Variants in ABHD18 observed in about 807,000 individuals in gnomAD.
The protein encoded by ABHD18 is abhydrolase domain containing 18.
ABHD18 carries 55 observed loss-of-function variants against 65.9 expected under a neutral mutation model. The ratio of observed to expected loss-of-function variants is 0.84; its 90% CI spans 0.67 to 1.05. The LOEUF (loss-of-function observed/expected upper bound fraction) is 1.05, where lower values mean the gene tolerates loss of function less well. Among genes scored for constraint, ABHD18 ranks in the 50% least tolerant of loss-of-function variants. ABHD18 has a pLI of 0.00. For synonymous variants in ABHD18, 181 were observed against 180.2 expected (o/e 1.00, Z -0.04); for missense variants, 533 against 558.5 (o/e 0.95, Z 0.46).
At chr4:128,015,640 C>T (rs1471265451) in intron 7 of ABHD18, among the ~76,000 whole-genome samples, 7 of 152,054 alleles carry the variant, frequency 4.6e-5, no homozygotes, top group African/African-American at 1.4e-4. Flanking sequence ...GGACTTAGAG[C>T]TCTGAGAGGA....
intron 4 of ABHD18, among the ~76,000 whole-genome samples, chr4:128,000,482 T>C (rs1752483859): frequency 6.6e-6 from 1 of 152,208 alleles, no homozygotes; most frequent in Non-Finnish European, 1.5e-5. Flanking sequence ...CATTGGTCTA[T>C]GTGTCTGTTT....
chr4:128,002,521 C>T (rs987309419), intron 4 of ABHD18, among the ~76,000 whole-genome samples: 1 of 151,430 alleles, frequency 6.6e-6, no homozygotes, highest in Admixed American at 6.6e-5. Flanking sequence ...CTCAGGTGAT[C>T]TCCCTGCCTT....
chr4:128,014,234 C>T (rs1274003771), intron 7 of ABHD18, among the ~76,000 whole-genome samples: 1 of 152,140 alleles, frequency 6.6e-6, no homozygotes, highest in African/African-American at 2.4e-5. Flanking sequence ...CCTCCCGCCT[C>T]AGCCCCCCAA....
chr4:128,011,271 C>T (rs1754498674), intron 6 of ABHD18, among the ~76,000 whole-genome samples: 1 of 151,806 alleles, frequency 6.6e-6, no homozygotes, highest in Non-Finnish European at 1.5e-5. Flanking sequence ...GCCTCAGCCT[C>T]CCGCGTAGCT....
At chr4:127,995,512 G>A (rs375535616) in intron 4 of ABHD18, among the ~76,000 whole-genome samples, 2 of 151,970 alleles carry the variant, frequency 1.3e-5, no homozygotes, top group South Asian at 2.1e-4. Context: ...TAATAGACTC[G>A]TGATTTTAAA....
chr4:127,966,579 C>T (rs1011866287), intron 1 of ABHD18, among the ~76,000 whole-genome samples: 25 of 151,682 alleles, frequency 1.6e-4, no homozygotes, highest in Middle Eastern at 3.4e-3. Flanking sequence ...AACGTGCGGT[C>T]TGGGTGCGAT....
chr4:127,997,790 G>T (rs1384663934), intron 4 of ABHD18, among the ~76,000 whole-genome samples: 1 of 151,930 alleles, frequency 6.6e-6, no homozygotes, highest in African/African-American at 2.4e-5. Context: ...CTTACTTTCT[G>T]TTCCACTTCT....
rs543414175 is a variant in ABHD18, at chr4:128,012,003, G to A, written c.470+303G>A. ...CCCTTTCTTTTTTTTTTTTTGAGAC[G>A]CAGTCATTCTGTCACCCAGTCTGGA... On this transcript the variant is annotated intron_variant, in intron 7 of 12. Coordinates refer to ENST00000645843, the MANE Select transcript of ABHD18 (RefSeq NM_001358451.3). Among the ~76,000 whole-genome samples, 82 of 148,680 alleles carry A rather than the reference G, an allele frequency of 5.5e-4. 1 individual carries two copies. In the South Asian group the frequency reaches 8.8e-3, roughly 16 times the overall value.
At chr4:127,972,998 A>C (rs1308157905) in intron 1 of ABHD18, among the ~76,000 whole-genome samples, 1 of 151,288 alleles carries the variant, frequency 6.6e-6, no homozygotes, top group Non-Finnish European at 1.5e-5. Context: ...TCTCTCCCCT[A>C]CCCTCCCCAC....
chr4:128,006,457 A>G (rs1338556537), intron 4 of ABHD18, among the ~76,000 whole-genome samples: 2 of 152,208 alleles, frequency 1.3e-5, no homozygotes, highest in Non-Finnish European at 2.9e-5. Context: ...CACAACACAG[A>G]AATAATTCTT....
intron 1 of ABHD18, among the ~76,000 whole-genome samples, chr4:127,968,224 C>T (rs943543175): frequency 2.0e-5 from 3 of 152,182 alleles, no homozygotes; most frequent in Admixed American, 1.3e-4. Flanking sequence ...AATAAACAAA[C>T]AAACATCCTA....
At position 128,028,854 on chromosome 4, in the gene ABHD18, G is replaced by T. The variant is rs1215021907; in HGVS notation, c.1180+1G>T. The T allele has an allele frequency of 1.3e-6, 2 of 1,522,678 alleles. No individual in the cohort carries two copies. The highest frequency in any genetic ancestry group is 1.8e-6 in the Non-Finnish European group (2 of 1,137,698). The allele number at this position is 1,522,678 out of a possible 1,614,324, so 94.3% of individuals were successfully genotyped here. On this transcript the variant is annotated splice_donor_variant, in intron 11 of 12. Transcript: ENST00000645843. LOFTEE classifies it high-confidence loss of function. ...TGTACTCATGTAGCAAATTTCTCAG[G>T]TACTAATTTTTATATGAAATTGAGA...
At chr4:128,024,653 G>C (rs1367360722) in intron 10 of ABHD18, among the ~76,000 whole-genome samples, 1 of 151,952 alleles carries the variant, frequency 6.6e-6, no homozygotes, top group Non-Finnish European at 1.5e-5. Flanking sequence ...GTGGTAACCA[G>C]GTTGTTCGGT....
intron 10 of ABHD18, among the ~76,000 whole-genome samples, chr4:128,023,403 CAAAAAAAAAAAAAAAAAAA>C (rs59549849): frequency 4.4e-5 from 2 of 44,950 alleles, no homozygotes; most frequent in Non-Finnish European, 7.3e-5. Flanking sequence ...CTTGTCTCTA[CAAAAAAAAAAAAAAAAAAA>C]AAAAAAAAAA....
intron 1 of ABHD18, among the ~76,000 whole-genome samples, chr4:127,972,084 T>G (rs1746934683): frequency 6.6e-6 from 1 of 152,106 alleles, no homozygotes. Context: ...AATTTATGAT[T>G]ATAGGTTATT....
chr4:127,994,943 G>A (rs1451515278), intron 4 of ABHD18, among the ~76,000 whole-genome samples: 1 of 152,076 alleles, frequency 6.6e-6, no homozygotes, highest in Non-Finnish European at 1.5e-5. Flanking sequence ...GCAGTGGCGC[G>A]ATCTTGGCTT....
At chr4:128,020,304 G>A in intron 9 of ABHD18, 135 bp downstream of exon 9, 1 of 646,680 alleles carries the variant, frequency 1.5e-6, no homozygotes, top group South Asian at 1.9e-5. Context: ...TCGTAATCAT[G>A]ATTAAGCCTT....
At chr4:127,977,215 G>A (rs1366425397) in intron 1 of ABHD18, among the ~76,000 whole-genome samples, 1 of 152,080 alleles carries the variant, frequency 6.6e-6, no homozygotes. Context: ...GCTCACGCCT[G>A]TAATCCCAGC....
At chr4:128,019,971 G>A (rs368030904) in intron 8 of ABHD18, 109 bp from the exon 9 acceptor site, 83 of 619,764 alleles carry the variant, frequency 1.3e-4, no homozygotes, top group East Asian at 1.2e-3. Context: ...TGCAGACTTT[G>A]TGTTTATCTG....
Sources: allele counts gnomAD v4.1 joint callset (sites outside exome capture counted in the v4.1 genomes callset), GRCh38; gene constraint gnomAD v4.1.1; transcripts MANE v1.5; gene names NCBI Gene and HGNC (gene_info 2026-07-23, HGNC 2026-07-21).